MAPK8: variants seen among roughly 807,000 people sequenced by gnomAD.
MAPK8 encodes mitogen-activated protein kinase 8.
In MAPK8, 13 loss-of-function variants were observed where a neutral mutation model predicts 52.9. The ratio of observed to expected loss-of-function variants is 0.25; its 90% CI spans 0.16 to 0.39. The LOEUF is 0.39. Among genes scored for constraint, MAPK8 ranks in the 10% least tolerant of loss-of-function variants. MAPK8 has a pLI of 1.00. For synonymous variants in MAPK8, 191 were observed against 169.8 expected, an observed-to-expected ratio of 1.12 and a Z score of -0.97; for missense variants, 300 against 519.2, an observed-to-expected ratio of 0.58 and a Z score of 4.10.
At chr10:48,339,135 C>G (rs1371287304) in intron 1 of MAPK8, among the ~76,000 whole-genome samples, 1 of 152,062 alleles carries the variant, frequency 6.6e-6, no homozygotes, top group African/African-American at 2.4e-5. Context: ...GTAGAGCGAT[C>G]TAAGCAAAAG....
chr10:48,435,906 C>A lies in MAPK8; in HGVS notation c.*877C>A, dbSNP rs76130808. ...AGCTATGAGCCTGTTTTTGTATACA[C>A]TGAGTTAATCTACTCAGGCTGTAGG... On this transcript the variant is annotated 3_prime_UTR_variant, in exon 12 of 12. Transcript: ENST00000374189. 11 of 152,346 alleles carry A rather than the reference C, an allele frequency of 7.2e-5. No individual in the cohort carries two copies. In the East Asian group the frequency reaches 2.1e-3, roughly 29 times the overall value. 9.4% of individuals were successfully genotyped at this position (152,346 alleles called of 1,614,324 possible).
At chr10:48,356,817 G>T (rs1034475470) in intron 1 of MAPK8, among the ~76,000 whole-genome samples, 2 of 111,852 alleles carry the variant, frequency 1.8e-5, no homozygotes, top group African/African-American at 6.9e-5. Context: ...ACTCCAGCCT[G>T]GGTGACAGAG....
chr10:48,331,386 C>T (rs766663138), intron 1 of MAPK8, among the ~76,000 whole-genome samples: 4 of 152,198 alleles, frequency 2.6e-5, no homozygotes, highest in Non-Finnish European at 4.4e-5. Flanking sequence ...TAGCCCATCC[C>T]AGCCATATTA....
At chr10:48,337,740 A>G (rs1043889573) in intron 1 of MAPK8, among the ~76,000 whole-genome samples, 5 of 152,156 alleles carry the variant, frequency 3.3e-5, no homozygotes, top group African/African-American at 1.2e-4. Flanking sequence ...AGAAGATTCA[A>G]ATAAGCACAA....
chr10:48,309,550 G>T (rs1283322828), intron 1 of MAPK8, among the ~76,000 whole-genome samples: 1 of 152,168 alleles, frequency 6.6e-6, no homozygotes, highest in Non-Finnish European at 1.5e-5. Flanking sequence ...AATTAATGTG[G>T]TTATAATCTT....
chr10:48,419,415 A>G (rs957510118), intron 5 of MAPK8, among the ~76,000 whole-genome samples: 2 of 152,230 alleles, frequency 1.3e-5, no homozygotes, highest in Non-Finnish European at 2.9e-5. Flanking sequence ...ACATGAAGCC[A>G]TGAGTGTTTA....
Position 48,410,087 on chromosome 10 carries a change from A to G in MAPK8, c.369A>G (p.Leu123=). ...ANLCQVIQME[L]DHERMSYLLY... is the part of the protein sequence containing the mutation. ...TTTGCCAAGTGATTCAGATGGAGCT[A>G]GATCATGAAAGAATGTCCTACCTTC... Residue 123 remains leucine (L), a synonymous_variant, in exon 5 of 12, where the codon CTA becomes CTG. Transcript: ENST00000374189. 1 of 1,599,782 alleles carries G rather than the reference A, an allele frequency of 6.3e-7. No homozygotes were observed. Among genetic ancestry groups the G allele is most frequent in the Non-Finnish European group, 8.5e-7 (1 of 1,173,902 alleles).
chr10:48,337,657 G>A (rs571859891), intron 1 of MAPK8, among the ~76,000 whole-genome samples: 26 of 152,040 alleles, frequency 1.7e-4, no homozygotes, highest in African/African-American at 5.8e-4. Flanking sequence ...TCAACAAAAC[G>A]GAAAGTTCTG....
chr10:48,427,413 C>T, intron 10 of MAPK8: 1 of 336,552 alleles, frequency 3.0e-6, no homozygotes, highest in South Asian at 3.3e-5. Context: ...TGTTTAGTGT[C>T]TCCCACCTCT....
At chr10:48,322,492 T>G (rs1356019698) in intron 1 of MAPK8, among the ~76,000 whole-genome samples, 1 of 152,176 alleles carries the variant, frequency 6.6e-6, no homozygotes, top group Non-Finnish European at 1.5e-5. Flanking sequence ...TCCCGAATCA[T>G]CTTAATCCAG....
At chr10:48,311,027 A>T (rs1393481378) in intron 1 of MAPK8, among the ~76,000 whole-genome samples, 1 of 151,872 alleles carries the variant, frequency 6.6e-6, no homozygotes, top group African/African-American at 2.4e-5. Flanking sequence ...GGTATAGGCT[A>T]GTTCAGGTTA....
rs187002335 is a variant in MAPK8, at chr10:48,405,000, T to C, written c.252+19T>C. 6.3e-5 allele frequency: 100 copies of C among 1,576,336 alleles called. No homozygotes were observed. The highest frequency in any genetic ancestry group is 8.2e-5 in the Non-Finnish European group (95 of 1,156,912). The stretch of plus-strand genomic sequence containing the variant: ...CAAAAATGTAAGTGAACATTTTTGG[T>C]TTCCTAAGTATAGATGAAATCAAGA... On this transcript the variant is annotated intron_variant, in intron 3 of 11. Transcript: ENST00000374189.
chr10:48,361,152 T>A (rs1847483628), intron 1 of MAPK8, among the ~76,000 whole-genome samples: 1 of 152,234 alleles, frequency 6.6e-6, no homozygotes, highest in African/African-American at 2.4e-5. Flanking sequence ...ACATGAATTC[T>A]ATCGAGGAAC....
At chr10:48,377,818 GGAGT>G (rs746933749) in intron 1 of MAPK8, among the ~76,000 whole-genome samples, 2 of 152,098 alleles carry the variant, frequency 1.3e-5, no homozygotes, top group East Asian at 3.9e-4. Context: ...GAATAGGGAG[GGAGT>G]GACTACAAAA....
chr10:48,344,826 G>C (rs1234366218), intron 1 of MAPK8, among the ~76,000 whole-genome samples: 1 of 152,144 alleles, frequency 6.6e-6, no homozygotes, highest in African/African-American at 2.4e-5. Flanking sequence ...GTAAAATGCT[G>C]TATAAGAATT....
rs140122509 is a variant in MAPK8 at position 48,358,620 on chromosome 10, G to A, written c.-49-42992G>A. ...TACAAAAGTTTTTAATATTGGCAAAGTCTAATTCATCTGGTTTTCTTTTGT... is the reference window on the plus strand; with the variant it reads ...TACAAAAGTTTTTAATATTGGCAAAATCTAATTCATCTGGTTTTCTTTTGT... On this transcript the variant is annotated intron_variant, in intron 1 of 11. Coordinates refer to ENST00000374189, the MANE Select transcript of MAPK8 (RefSeq NM_001323329.2). Among the ~76,000 whole-genome samples the A allele has an allele frequency of 2.0e-3, 307 of 152,242 alleles. 1 individual carries two copies. The highest frequency in any genetic ancestry group is 3.6e-3 in the Non-Finnish European group (247 of 68,010).
intron 7 of MAPK8, chr10:48,425,539 A>G (rs1047360242): frequency 3.1e-6 from 1 of 325,574 alleles, no homozygotes; most frequent in Non-Finnish European, 5.5e-6. Context: ...AAAATTTTGT[A>G]TATTATTATA....
chr10:48,318,494 T>TA (rs1227394717), intron 1 of MAPK8, among the ~76,000 whole-genome samples: 1 of 152,212 alleles, frequency 6.6e-6, no homozygotes, highest in Non-Finnish European at 1.5e-5. Flanking sequence ...GTTGAGTGTG[T>TA]AACTGGCCAC....
chr10:48,420,645 G>A (rs1421223394), intron 6 of MAPK8, among the ~76,000 whole-genome samples: 1 of 152,144 alleles, frequency 6.6e-6, no homozygotes, highest in African/African-American at 2.4e-5. Context: ...TCTCAGGGAT[G>A]TATAGTGTAC....
Sources: gnomAD v4.1 joint callset for allele counts (sites outside exome capture counted in the v4.1 genomes callset) on GRCh38, gnomAD v4.1.1 for gene constraint, MANE v1.5 for transcripts, NCBI Gene and HGNC (gene_info 2026-07-23, HGNC 2026-07-21) for gene names.